Variants in SEPSECS observed in about 807,000 individuals in gnomAD.
SEPSECS encodes the protein Sep (O-phosphoserine) tRNA:Sec (selenocysteine) tRNA synthase.
SEPSECS carries 42 observed loss-of-function variants against 52.1 expected under a neutral mutation model. The ratio of observed to expected loss-of-function variants is 0.81; its 90% CI spans 0.63 to 1.04. The LOEUF (loss-of-function observed/expected upper bound fraction) is 1.04, where lower values mean the gene tolerates loss of function less well. Among genes scored for constraint, SEPSECS ranks in the 50% least tolerant of loss-of-function variants. The probability of loss-of-function intolerance (pLI) is 0.00; values close to 1 mark genes in which losing one functional copy is unlikely to be tolerated. For missense variants in SEPSECS, 590 were observed against 610.6 expected, an observed-to-expected ratio of 0.97 and a Z score of 0.36; for synonymous variants, 216 against 211.4, an observed-to-expected ratio of 1.02 and a Z score of -0.19.
Position 25,125,788 on chromosome 4 carries a change from A to G in SEPSECS, c.1121-4T>C. On this transcript the variant is annotated splice_region_variant and splice_polypyrimidine_tract_variant and intron_variant, in intron 9 of 10. Transcript: ENST00000382103. ...TCTAGTGTTTTAAGTGTCATAGCTG[A>G]AAAAGAAAAAAGTATCCTAATAAGC... 2 of 1,591,376 alleles carry G rather than the reference A, an allele frequency of 1.3e-6. No individual in the cohort carries two copies. The highest frequency in any genetic ancestry group is 2.2e-5 in the South Asian group (2 of 90,166).
chr4:25,157,887 G>A (rs754938077), intron 2 of SEPSECS, among the ~76,000 whole-genome samples: 1 of 151,994 alleles, frequency 6.6e-6, no homozygotes, highest in Non-Finnish European at 1.5e-5. Flanking sequence ...TCCACACTGG[G>A]CTAAGTTCCA....
In SEPSECS at chr4:25,120,401, CA is replaced by C. The variant is rs1249614479; in HGVS notation, c.*3529del. The C allele has an allele frequency of 2.0e-5, 3 of 152,132 alleles. No individual in the cohort carries two copies. Among genetic ancestry groups the C allele is most frequent in the Non-Finnish European group, 4.4e-5 (3 of 68,014 alleles). The allele number at this position is 152,132 out of a possible 1,614,324, so 9.4% of individuals were successfully genotyped here. ...GTAAAAAGTAAGGCACAAAAGGATG[CA>C]GTGAGTGTTAGGTCTGTTTACTAAG... On this transcript the variant is annotated 3_prime_UTR_variant, in exon 11 of 11. Coordinates refer to ENST00000382103, the MANE Select transcript of SEPSECS (RefSeq NM_016955.4).
chr4:25,120,944 A>G lies in SEPSECS; in HGVS notation c.*2987T>C, dbSNP rs569788310. On this transcript the variant is annotated 3_prime_UTR_variant, in exon 11 of 11. Transcript: ENST00000382103. Reference sequence around the variant, plus strand: ...GTAGTCTAAGCACATTCTGTAGCCCAGTCCTCAATAACAGTTCTTATTATG... The same window carrying G: ...GTAGTCTAAGCACATTCTGTAGCCCGGTCCTCAATAACAGTTCTTATTATG... 6.6e-6 allele frequency: 1 copy of G among 152,186 alleles called. No individual in the cohort carries two copies. Among genetic ancestry groups the G allele is most frequent in the East Asian group, 1.9e-4 (1 of 5,204 alleles). The allele number at this position is 152,186 out of a possible 1,614,324, so 9.4% of individuals were successfully genotyped here. A position where few individuals can be genotyped will look rare whatever the true frequency, so the allele number is the denominator to read the frequency against.
At chr4:25,158,770 G>C (rs773795290) in intron 2 of SEPSECS, among the ~76,000 whole-genome samples, 183 bp downstream of exon 2, 6 of 152,140 alleles carry the variant, frequency 3.9e-5, no homozygotes, top group Admixed American at 1.3e-4. Flanking sequence ...TCTTTGAAAA[G>C]CACCTGCTGA....
At chr4:25,155,343 TA>T (rs1272809941) in intron 4 of SEPSECS, 192 bp from the exon 5 acceptor site, 2 of 619,132 alleles carry the variant, frequency 3.2e-6, no homozygotes, top group African/African-American at 3.7e-5. Context: ...TGTGAGGGAC[TA>T]CTACACAATT....
At chr4:25,138,622 G>A (rs1004717948) in intron 8 of SEPSECS, among the ~76,000 whole-genome samples, 10 of 151,884 alleles carry the variant, frequency 6.6e-5, no homozygotes, top group African/African-American at 1.9e-4. Flanking sequence ...GTTATATTTC[G>A]AAGTTTTGAT....
At chr4:25,140,651 T>G (rs1279077245) in intron 8 of SEPSECS, among the ~76,000 whole-genome samples, 3 of 152,218 alleles carry the variant, frequency 2.0e-5, no homozygotes, top group African/African-American at 7.2e-5. Flanking sequence ...TGCTCAGTAT[T>G]ACGTGTAATT....
intron 8 of SEPSECS, among the ~76,000 whole-genome samples, chr4:25,137,642 T>C (rs748802791): frequency 3.7e-4 from 57 of 152,142 alleles, no homozygotes; most frequent in Non-Finnish European, 7.4e-4. Context: ...TTCAACCATT[T>C]TGGAAAACAG....
In SEPSECS at chr4:25,120,022, C is replaced by G. The variant is rs1331714815; in HGVS notation, c.*3909G>C. 3.3e-5 allele frequency: 5 copies of G among 151,826 alleles called. No individual in the cohort carries two copies. The highest frequency in any genetic ancestry group is 1.2e-4 in the African/African-American group (5 of 41,364). The allele number at this position is 151,826 out of a possible 1,614,324, so 9.4% of individuals were successfully genotyped here. A position where few individuals can be genotyped will look rare whatever the true frequency, so the allele number is the denominator to read the frequency against. On this transcript the variant is annotated 3_prime_UTR_variant, in exon 11 of 11. Transcript: ENST00000382103. ...AAATAACGTACTGTCAGTGACTTAT[C>G]AAAAATTTATTTCATATAATAAATT...
In SEPSECS at chr4:25,156,201, A is replaced by G. The variant is rs199647164; in HGVS notation, c.389-6T>C. 18 of 1,613,498 alleles carry G rather than the reference A, an allele frequency of 1.1e-5. No homozygotes were observed. In the South Asian group the frequency reaches 2.0e-4, roughly 18 times the overall value. On this transcript the variant is annotated splice_polypyrimidine_tract_variant and splice_region_variant and intron_variant, in intron 3 of 10. Coordinates refer to ENST00000382103, the MANE Select transcript of SEPSECS (RefSeq NM_016955.4). ...GTTGGCTACTGTATGGACACCTACA[A>G]ATAAGAAGCAAAACAGAAATCTGTT... is the stretch of plus-strand genomic sequence containing the variant.
intron 6 of SEPSECS, among the ~76,000 whole-genome samples, chr4:25,145,925 T>G (rs1181592330): frequency 6.6e-6 from 1 of 152,222 alleles, no homozygotes; most frequent in Middle Eastern, 3.2e-3. Context: ...AAGCAATGTT[T>G]CTACATAACT....
intron 5 of SEPSECS, among the ~76,000 whole-genome samples, chr4:25,154,757 TG>T (rs1365391288): frequency 6.6e-6 from 1 of 152,172 alleles, no homozygotes; most frequent in African/African-American, 2.4e-5. Flanking sequence ...AGAGACGGTC[TG>T]CATCGACTCA....
At chr4:25,124,892 G>A (rs1456289926) in intron 10 of SEPSECS, among the ~76,000 whole-genome samples, 2 of 151,570 alleles carry the variant, frequency 1.3e-5, no homozygotes, top group African/African-American at 2.4e-5. Flanking sequence ...TAGTTTAATC[G>A]CTTAGCTTTT....
intron 8 of SEPSECS, among the ~76,000 whole-genome samples, chr4:25,137,773 C>T (rs1359189547): frequency 6.6e-6 from 1 of 152,046 alleles, no homozygotes; most frequent in African/African-American, 2.4e-5. Context: ...CATGTATGTT[C>T]AATGCAGCAC....
At chr4:25,128,636 A>G (rs1016369740) in intron 8 of SEPSECS, among the ~76,000 whole-genome samples, 1 of 152,140 alleles carries the variant, frequency 6.6e-6, no homozygotes. Flanking sequence ...TTGACCTAAA[A>G]TTTTACTTTC....
rs1252411895 is a variant in SEPSECS, at chr4:25,122,259, G to A, written c.*1672C>T. 1 of 152,046 alleles carries A rather than the reference G, an allele frequency of 6.6e-6. No homozygotes were observed. Among genetic ancestry groups the A allele is most frequent in the African/African-American group, 2.4e-5 (1 of 41,414 alleles). 9.4% of individuals were successfully genotyped at this position (152,046 alleles called of 1,614,324 possible). On this transcript the variant is annotated 3_prime_UTR_variant, in exon 11 of 11. Transcript: ENST00000382103. ...TCTCAAAATAGTCATTGACTTCCAA[G>A]GTGGTCAAGCCAGTGGCCATAGGCG...
chr4:25,148,457 GCTAA>G (rs899709852), intron 6 of SEPSECS, among the ~76,000 whole-genome samples: 3 of 151,610 alleles, frequency 2.0e-5, no homozygotes, highest in African/African-American at 7.3e-5. Context: ...ATGAATTAAG[GCTAA>G]CTTTAATTTT....
rs1165064978 is a variant in SEPSECS at position 25,159,123 on chromosome 4, A to AC, written c.115-17_115-16insG. On this transcript the variant is annotated splice_polypyrimidine_tract_variant and intron_variant, in intron 1 of 10. Coordinates refer to ENST00000382103, the MANE Select transcript of SEPSECS (RefSeq NM_016955.4). Reference sequence around the variant, plus strand: ...GACACTTGCCCTTAAAAAAAAAAAAAAACTTATGATTATATTTAATAAAAC... The same window carrying AC: ...GACACTTGCCCTTAAAAAAAAAAAAACAACTTATGATTATATTTAATAAAAC... 6.4e-7 allele frequency: 1 copy of AC among 1,559,262 alleles called. No individual in the cohort carries two copies. The highest frequency in any genetic ancestry group is 8.6e-7 in the Non-Finnish European group (1 of 1,156,602).
At chr4:25,156,293 C>T (rs1160775421) in intron 3 of SEPSECS, 98 bp from the exon 4 acceptor site, 10 of 1,138,262 alleles carry the variant, frequency 8.8e-6, no homozygotes, top group Non-Finnish European at 1.3e-5. Flanking sequence ...TAGTAAGAGT[C>T]GTAGCCCTAG....
Sources: gnomAD v4.1 joint callset for allele counts (sites outside exome capture counted in the v4.1 genomes callset) on GRCh38, gnomAD v4.1.1 for gene constraint, MANE v1.5 for transcripts, NCBI Gene and HGNC (gene_info 2026-07-23, HGNC 2026-07-21) for gene names.